Variants in NCOA1 observed in about 807,000 individuals in gnomAD.
NCOA1 encodes nuclear receptor coactivator 1.
A neutral mutation model predicts 150.9 loss-of-function variants in NCOA1; 35 were observed. The ratio of observed to expected loss-of-function variants is 0.23; its 90% confidence interval spans 0.18 to 0.31. The LOEUF is 0.31. Among genes scored for constraint, NCOA1 ranks in the 10% least tolerant of loss-of-function variants. The probability of loss-of-function intolerance (pLI) is 1.00; values close to 1 mark genes in which losing one functional copy is unlikely to be tolerated. For synonymous variants in NCOA1, 590 were observed against 630.0 expected (o/e 0.94, Z 0.95); for missense variants, 1,491 against 1,749.3 (o/e 0.85, Z 2.63).
intron 3 of NCOA1, among the ~76,000 whole-genome samples, chr2:24,643,357 C>T (rs1000597025): frequency 6.6e-6 from 1 of 152,072 alleles, no homozygotes; most frequent in Non-Finnish European, 1.5e-5. Flanking sequence ...GATCAGAACC[C>T]CTACAATTTC....
In NCOA1 at chr2:24,705,197, T is replaced by A. The variant is rs770695296; in HGVS notation, c.1061T>A (p.Met354Lys). 1.2e-6 allele frequency: 2 copies of A among 1,614,042 alleles called. No individual in the cohort carries two copies. Among genetic ancestry groups the A allele is most frequent in the Non-Finnish European group, 1.7e-6 (2 of 1,179,906 alleles). Residue 354 changes from methionine (M) to lysine (K), a missense_variant, in exon 12 of 23, where the codon ATG becomes AAG. By Grantham distance (95) the Met-to-Lys change is moderately conservative. Transcript: ENST00000348332. ...CKLCYPQSPDMQPFIMGIHII... is the reference protein window; with the variant it reads ...CKLCYPQSPDKQPFIMGIHII... ...CTTTGCTACCCTCAAAGTCCAGACA[T>A]GCAACCTTTCATCATGGGAATTCAT...
At chr2:24,571,954 T>A (rs1304305800) in intron 2 of NCOA1, among the ~76,000 whole-genome samples, 1 of 152,322 alleles carries the variant, frequency 6.6e-6, no homozygotes, top group East Asian at 1.9e-4. Flanking sequence ...TTGCTGAATT[T>A]CTTTGTGATA....
chr2:24,729,991 G>A (rs1662910132), intron 17 of NCOA1, among the ~76,000 whole-genome samples, 176 bp downstream of exon 17: 2 of 152,182 alleles, frequency 1.3e-5, no homozygotes, highest in South Asian at 2.1e-4. Context: ...GATTACAGGT[G>A]TGTGCCACCA....
intron 4 of NCOA1, among the ~76,000 whole-genome samples, chr2:24,647,150 C>T (rs1447038932): frequency 6.6e-6 from 1 of 152,102 alleles, no homozygotes; most frequent in Non-Finnish European, 1.5e-5. Flanking sequence ...ATTTTAATGT[C>T]ACCTTTTCTG....
chr2:24,617,142 A>C (rs1668906491), intron 3 of NCOA1, among the ~76,000 whole-genome samples: 1 of 152,142 alleles, frequency 6.6e-6, no homozygotes, highest in African/African-American at 2.4e-5. Context: ...GAAATGTTGA[A>C]CATAAAAGCA....
intron 2 of NCOA1, among the ~76,000 whole-genome samples, chr2:24,580,086 C>T (rs1667137724): frequency 6.6e-6 from 1 of 152,168 alleles, no homozygotes; most frequent in Non-Finnish European, 1.5e-5. Flanking sequence ...TCCTTTGTTT[C>T]TGATGAGATG....
At chr2:24,690,698 T>C (rs1327620093) in intron 8 of NCOA1, among the ~76,000 whole-genome samples, 2 of 135,724 alleles carry the variant, frequency 1.5e-5, no homozygotes, top group Non-Finnish European at 3.3e-5. Flanking sequence ...AAAAACCCTC[T>C]GATCATCTCA....
intron 3 of NCOA1, among the ~76,000 whole-genome samples, chr2:24,596,511 C>G (rs888801681): frequency 6.6e-6 from 1 of 151,984 alleles, no homozygotes; most frequent in African/African-American, 2.4e-5. Context: ...CAAAAAAAAT[C>G]TTTGTTTTAT....
intron 11 of NCOA1, among the ~76,000 whole-genome samples, chr2:24,701,286 T>C (rs1673146006): frequency 6.6e-6 from 1 of 152,066 alleles, no homozygotes; most frequent in Admixed American, 6.6e-5. Context: ...GGAGGATTGC[T>C]TGAGTCCAGA....
At chr2:24,506,489 G>A (rs1334906801) in intron 1 of NCOA1, among the ~76,000 whole-genome samples, 1 of 152,078 alleles carries the variant, frequency 6.6e-6, no homozygotes, top group Admixed American at 6.5e-5. Flanking sequence ...AGAACTTTGG[G>A]ACTCAATTGA....
chr2:24,524,198 G>T (rs981580915), intron 1 of NCOA1, among the ~76,000 whole-genome samples: 6 of 152,060 alleles, frequency 3.9e-5, no homozygotes, highest in African/African-American at 1.4e-4. Context: ...AGATACTTCC[G>T]GTTAGGCTAA....
At chr2:24,722,106 G>A (rs1674383908) in intron 14 of NCOA1, among the ~76,000 whole-genome samples, 1 of 152,130 alleles carries the variant, frequency 6.6e-6, no homozygotes. Context: ...AGAAAAGGGA[G>A]ACACATAAAC....
chr2:24,752,072 C>G lies in NCOA1; in HGVS notation c.3797C>G (p.Ser1266Cys). Reference protein sequence around the residue: ...VPMPIPPPQSSLLQQTPPASG... With the variant: ...VPMPIPPPQSCLLQQTPPASG... ...ATGCCAATCCCTCCTCCTCAGAGTT[C>G]TCTTCTCCAGCAAACTCCACCTGCC... The change falls in exon 20 of 23, where the codon TCT (serine) becomes TGT (cysteine). Residue 1266 changes from serine to cysteine, a missense_variant. This residue lies in a region of NCOA1 where 485 missense variants were observed against 522.8 expected (regional missense o/e 0.93). Transcript: ENST00000348332. 6.2e-7 allele frequency: 1 copy of G among 1,614,186 alleles called. No individual in the cohort carries two copies. The highest frequency in any genetic ancestry group is 2.2e-5 in the East Asian group (1 of 44,884).
At chr2:24,640,826 TTGTA>T (rs1670179865) in intron 3 of NCOA1, among the ~76,000 whole-genome samples, 1 of 152,240 alleles carries the variant, frequency 6.6e-6, no homozygotes, top group Non-Finnish European at 1.5e-5. Context: ...TTCAGTCTAT[TTGTA>T]TGTTTATATT....
chr2:24,502,845 C>G (rs1663521857), intron 1 of NCOA1, among the ~76,000 whole-genome samples: 1 of 152,126 alleles, frequency 6.6e-6, no homozygotes, highest in Non-Finnish European at 1.5e-5. Context: ...GTGTTCAGAC[C>G]ATAAAATTTA....
intron 3 of NCOA1, among the ~76,000 whole-genome samples, chr2:24,625,724 T>C (rs573739257): frequency 6.8e-6 from 1 of 147,714 alleles, no homozygotes; most frequent in Non-Finnish European, 1.5e-5. Flanking sequence ...TACATTCCAT[T>C]TGAAATAATT....
chr2:24,623,088 G>A (rs1669246931), intron 3 of NCOA1, among the ~76,000 whole-genome samples: 1 of 152,102 alleles, frequency 6.6e-6, no homozygotes, highest in Admixed American at 6.6e-5. Flanking sequence ...AAGAAGCGGA[G>A]GACAACCAGT....
intron 1 of NCOA1, among the ~76,000 whole-genome samples, chr2:24,559,907 A>G (rs1024268024): frequency 1.1e-4 from 17 of 152,076 alleles, no homozygotes; most frequent in African/African-American, 3.1e-4. Flanking sequence ...CCCTGAAGCA[A>G]TGGATTTTTG....
intron 1 of NCOA1, among the ~76,000 whole-genome samples, chr2:24,554,068 A>C (rs932705779): frequency 6.6e-6 from 1 of 152,178 alleles, no homozygotes; most frequent in African/African-American, 2.4e-5. Context: ...TTACCAATGT[A>C]GGTAATTTGT....
Sources: allele counts gnomAD v4.1 joint callset (sites outside exome capture counted in the v4.1 genomes callset), GRCh38; gene constraint gnomAD v4.1.1; regional missense constraint gnomAD v4.1.1; transcripts MANE v1.5; gene names NCBI Gene and HGNC (gene_info 2026-07-23, HGNC 2026-07-21).